The following RAB4A variants were observed in gnomAD, a reference collection of about 807,000 sequenced individuals.
RAB4A encodes ras-related protein Rab-4A.
In RAB4A, 20 loss-of-function variants were observed where a neutral mutation model predicts 34.5. The ratio of observed to expected loss-of-function variants is 0.58; its 90% confidence interval spans 0.41 to 0.84. RAB4A has a LOEUF of 0.84. Among genes scored for constraint, RAB4A ranks in the 40% least tolerant of loss-of-function variants. RAB4A has a pLI of 0.00. For synonymous variants in RAB4A, 102 were observed against 100.0 expected (o/e 1.02, Z -0.12); for missense variants, 228 against 274.5 (o/e 0.83, Z 1.20).
At chr1:229,283,922 G>A (rs1166423740) in intron 1 of RAB4A, among the ~76,000 whole-genome samples, 1 of 149,648 alleles carries the variant, frequency 6.7e-6, no homozygotes, top group Non-Finnish European at 1.5e-5. Flanking sequence ...TTTTAATAGA[G>A]ACATGGTTTC....
At chr1:229,299,560 A>G (rs772796606) in intron 6 of RAB4A, among the ~76,000 whole-genome samples, 9 of 152,226 alleles carry the variant, frequency 5.9e-5, no homozygotes, top group Non-Finnish European at 8.8e-5. Flanking sequence ...TGCCTCAATT[A>G]TAAAATGCCT....
At position 229,297,499 on chromosome 1, in the gene RAB4A, C is replaced by T. The variant is rs1390025426; in HGVS notation, c.308C>T (p.Ala103Val). Residue 103 changes from alanine to valine, a missense_variant, in exon 5 of 8, where the codon GCG (alanine) becomes GTG (valine). Physicochemically the swap from Ala to Val is moderately conservative, Grantham distance 64 (BLOSUM62 0). Coordinates refer to ENST00000366690, the MANE Select transcript of RAB4A (RefSeq NM_004578.4). ...TTACGCAGCCGAGAAACCTACAATG[C>T]GCTTACTAATTGGTTAACAGATGCC... is the stretch of plus-strand genomic sequence containing the variant. Reference protein sequence around the residue: ...YDITSRETYNALTNWLTDARM... With the variant: ...YDITSRETYNVLTNWLTDARM... 7 of 1,602,004 alleles carry T rather than the reference C, an allele frequency of 4.4e-6. No homozygotes were observed. The highest frequency in any genetic ancestry group is 1.1e-5 in the South Asian group (1 of 87,854).
chr1:229,273,141 G>C (rs1185279596), intron 1 of RAB4A, among the ~76,000 whole-genome samples: 1 of 152,204 alleles, frequency 6.6e-6, no homozygotes, highest in African/African-American at 2.4e-5. Flanking sequence ...AATAAGAAAA[G>C]CAAGTGGGGG....
At chr1:229,274,834 C>T (rs1656600187) in intron 1 of RAB4A, among the ~76,000 whole-genome samples, 1 of 152,222 alleles carries the variant, frequency 6.6e-6, no homozygotes, top group Non-Finnish European at 1.5e-5. Context: ...TACAAAATCT[C>T]TACATATATT....
chr1:229,302,132 G>A (rs1208386183), intron 6 of RAB4A, among the ~76,000 whole-genome samples: 1 of 150,188 alleles, frequency 6.7e-6, no homozygotes, highest in East Asian at 1.9e-4. Flanking sequence ...GATAAGGACT[G>A]CTCAACCTAT....
At chr1:229,300,038 A>G (rs181539519) in intron 6 of RAB4A, among the ~76,000 whole-genome samples, 139 of 152,324 alleles carry the variant, frequency 9.1e-4, no homozygotes, top group South Asian at 1.7e-3. Flanking sequence ...AGTCCTCATC[A>G]AGGATCTAGA....
chr1:229,292,202 A>C (rs1657105562), intron 3 of RAB4A, among the ~76,000 whole-genome samples: 1 of 151,898 alleles, frequency 6.6e-6, no homozygotes, highest in Non-Finnish European at 1.5e-5. Flanking sequence ...AGGTACCCTA[A>C]AACTTAAAGT....
chr1:229,276,763 C>T (rs1320595569), intron 1 of RAB4A, among the ~76,000 whole-genome samples: 1 of 151,166 alleles, frequency 6.6e-6, no homozygotes, highest in African/African-American at 2.5e-5. Context: ...TAAATTAGGG[C>T]CAGTTTACAT....
intron 6 of RAB4A, 104 bp downstream of exon 6, chr1:229,299,176 T>TTC: frequency 1.3e-6 from 1 of 797,334 alleles, no homozygotes; most frequent in Non-Finnish European, 1.9e-6. Context: ...GTAAAGAATG[T>TTC]TCTCTCTCTA....
intron 3 of RAB4A, among the ~76,000 whole-genome samples, chr1:229,291,936 A>G (rs1261275214): frequency 6.6e-6 from 1 of 152,064 alleles, no homozygotes; most frequent in African/African-American, 2.4e-5. Flanking sequence ...ATGAAATTGG[A>G]AATCATCATT....
At chr1:229,275,589 G>A (rs1238990824) in intron 1 of RAB4A, among the ~76,000 whole-genome samples, 1 of 150,314 alleles carries the variant, frequency 6.7e-6, no homozygotes. Flanking sequence ...AGATATCCTT[G>A]GTAAAGGAAA....
chr1:229,298,869 A>G, intron 5 of RAB4A, 108 bp from the exon 6 acceptor site: 1 of 770,622 alleles, frequency 1.3e-6, no homozygotes, highest in Non-Finnish European at 2.2e-6. Flanking sequence ...TTTAGGTCAT[A>G]AATTATATTT....
intron 1 of RAB4A, among the ~76,000 whole-genome samples, chr1:229,283,203 A>G (rs1656820560): frequency 6.6e-6 from 1 of 152,134 alleles, no homozygotes. Flanking sequence ...CTGGGTAAGG[A>G]TTAGAATGTT....
At position 229,305,590 on chromosome 1, in the gene RAB4A, C is replaced by G; in HGVS notation, c.*1797C>G. ...TATTGTTCAGGCTAGTAATAAATGT[C>G]ATGTTTCTATTTCCCGCAACTCATT... On this transcript the variant is annotated 3_prime_UTR_variant, in exon 8 of 8. Coordinates refer to ENST00000366690, the MANE Select transcript of RAB4A (RefSeq NM_004578.4). The G allele has an allele frequency of 4.5e-6, 1 of 223,738 alleles. No homozygotes were observed. The highest frequency in any genetic ancestry group is 8.7e-6 in the Non-Finnish European group (1 of 114,308). The allele number at this position is 223,738 out of a possible 1,614,324, so 13.9% of individuals were successfully genotyped here. A position where few individuals can be genotyped will look rare whatever the true frequency, so the allele number is the denominator to read the frequency against.
chr1:229,304,931 T>C lies in RAB4A; in HGVS notation c.*1138T>C. 2.2e-6 allele frequency: 1 copy of C among 451,112 alleles called. No individual in the cohort carries two copies. The highest frequency in any genetic ancestry group is 4.6e-5 in the South Asian group (1 of 21,740). The allele number at this position is 451,112 out of a possible 1,614,324, so 27.9% of individuals were successfully genotyped here. A position where few individuals can be genotyped will look rare whatever the true frequency, so the allele number is the denominator to read the frequency against. ...TATTTTAAAATGTCAGTGCAAAAAA[T>C]ATATGGTGGAACCTTTCTTTAAAGT... On this transcript the variant is annotated 3_prime_UTR_variant, in exon 8 of 8. Coordinates refer to ENST00000366690, the MANE Select transcript of RAB4A (RefSeq NM_004578.4).
Position 229,286,509 on chromosome 1 carries a change from A to G in RAB4A, c.55A>G (p.Ile19Val). 1.3e-6 allele frequency: 2 copies of G among 1,580,848 alleles called. No individual in the cohort carries two copies. The highest frequency in any genetic ancestry group is 1.7e-6 in the Non-Finnish European group (2 of 1,164,668). ...AGATTTTTTGTTTAAGTTCTTGGTTATTGGAAATGCAGGAACTGGCAAATC... is the reference window on the plus strand; with the variant it reads ...AGATTTTTTGTTTAAGTTCTTGGTTGTTGGAAATGCAGGAACTGGCAAATC... ...TYDFLFKFLV[I>V]GNAGTGKSCL... is the part of the protein sequence containing the mutation. The change falls in exon 2 of 8, where the codon ATT becomes GTT. Residue 19 changes from isoleucine (I) to valine (V), a missense_variant. Coordinates refer to ENST00000366690, the MANE Select transcript of RAB4A (RefSeq NM_004578.4).
At chr1:229,275,207 G>C (rs1176292640) in intron 1 of RAB4A, among the ~76,000 whole-genome samples, 1 of 152,152 alleles carries the variant, frequency 6.6e-6, no homozygotes, top group Non-Finnish European at 1.5e-5. Context: ...TCAGTGACTG[G>C]TGTCATTATA....
At position 229,305,142 on chromosome 1, in the gene RAB4A, G is replaced by A; in HGVS notation, c.*1349G>A. ...ACATAAAAACTCTGGGAAATGACTA[G>A]GATAAAAATATCAGTATGTATCTGT... On this transcript the variant is annotated 3_prime_UTR_variant, in exon 8 of 8. Transcript: ENST00000366690. The A allele has an allele frequency of 6.3e-7, 1 of 1,587,810 alleles. No homozygotes were observed. The highest frequency in any genetic ancestry group is 1.2e-5 in the South Asian group (1 of 84,764).
chr1:229,274,202 G>A (rs968558515), intron 1 of RAB4A, among the ~76,000 whole-genome samples: 1 of 150,768 alleles, frequency 6.6e-6, no homozygotes, highest in Non-Finnish European at 1.5e-5. Context: ...ACAGGTGCAT[G>A]CCACCACACC....
Sources: gnomAD v4.1 joint callset for allele counts (sites outside exome capture counted in the v4.1 genomes callset) on GRCh38, gnomAD v4.1.1 for gene constraint, MANE v1.5 for transcripts, NCBI Gene and HGNC (gene_info 2026-07-23, HGNC 2026-07-21) for gene names.